SIK3: variants seen among roughly 807,000 people sequenced by gnomAD.
SIK3 encodes serine/threonine-protein kinase SIK3.
A neutral mutation model predicts 144.2 loss-of-function variants in SIK3; 28 were observed. The ratio of observed to expected loss-of-function variants is 0.19; its 90% CI spans 0.14 to 0.27. SIK3 has a LOEUF of 0.27. SIK3 is among the 10% of genes least tolerant of loss of function. The probability of loss-of-function intolerance (pLI) is 1.00; values close to 1 mark genes in which losing one functional copy is unlikely to be tolerated. For synonymous variants in SIK3, 686 were observed against 676.3 expected, an observed-to-expected ratio of 1.01 and a Z score of -0.22; for missense variants, 1,319 against 1,776.0, an observed-to-expected ratio of 0.74 and a Z score of 4.62.
chr11:116,947,392 T>C (rs1948706678), intron 3 of SIK3, among the ~76,000 whole-genome samples: 1 of 148,450 alleles, frequency 6.7e-6, no homozygotes, highest in Non-Finnish European at 1.5e-5. Context: ...AAGTTGAACA[T>C]TTGTGGAAGT....
chr11:116,876,899 C>G (rs373857829), intron 7 of SIK3, 25 bp downstream of exon 7: 2 of 1,587,132 alleles, frequency 1.3e-6, no homozygotes, highest in Admixed American at 3.3e-5. Context: ...AGAGGAGTCC[C>G]CTGCAGCAGC....
rs370565354 is a variant in SIK3, at chr11:116,995,136, G to A, written c.274-38072C>T. Among the ~76,000 whole-genome samples, 33 of 151,828 alleles carry A rather than the reference G, an allele frequency of 2.2e-4. No individual in the cohort carries two copies. In the East Asian group the frequency reaches 2.6e-3, roughly 12 times the overall value. The stretch of plus-strand genomic sequence containing the variant: ...ACAAAAATTAGCTGGGCATGATGGC[G>A]CATGCCCGTAATCCCAGCTACTCAG... On this transcript the variant is annotated intron_variant, in intron 1 of 24. Transcript: ENST00000445177.
At chr11:116,870,100 T>C (rs1369330571) in intron 14 of SIK3, 1 of 1,504,650 alleles carries the variant, frequency 6.6e-7, no homozygotes, top group Non-Finnish European at 8.9e-7. Context: ...AAAGTTCTTA[T>C]GGTTATTGCT....
chr11:116,960,586 T>A (rs914834770), intron 1 of SIK3, among the ~76,000 whole-genome samples: 1 of 152,122 alleles, frequency 6.6e-6, no homozygotes, highest in Non-Finnish European at 1.5e-5. Flanking sequence ...TTGAATATAG[T>A]ACTGAAAGCA....
intron 5 of SIK3, 65 bp from the exon 6 acceptor site, chr11:116,896,441 G>A: frequency 6.4e-7 from 1 of 1,559,860 alleles, no homozygotes; most frequent in East Asian, 2.3e-5. Flanking sequence ...GACTACTGTA[G>A]TGTGTGTATG....
intron 1 of SIK3, among the ~76,000 whole-genome samples, chr11:116,976,849 A>G (rs1478022238): frequency 6.6e-6 from 1 of 152,246 alleles, no homozygotes; most frequent in Non-Finnish European, 1.5e-5. Context: ...AAACTATCAA[A>G]TTAGCAAAAT....
At chr11:116,860,742 C>T (rs1369789453) in intron 19 of SIK3, among the ~76,000 whole-genome samples, 1 of 134,056 alleles carries the variant, frequency 7.5e-6, no homozygotes, top group Non-Finnish European at 1.5e-5. Flanking sequence ...TCTGTGTGTA[C>T]CCACATCTTG....
At chr11:116,948,125 ATGG>A (rs1221605307) in intron 3 of SIK3, among the ~76,000 whole-genome samples, 1 of 149,946 alleles carries the variant, frequency 6.7e-6, no homozygotes, top group East Asian at 2.0e-4. Context: ...TTTTGTAGAG[ATGG>A]TGTTTCACCA....
chr11:117,054,537 GC>G (rs1953421928), intron 1 of SIK3, among the ~76,000 whole-genome samples: 1 of 152,192 alleles, frequency 6.6e-6, no homozygotes, highest in South Asian at 2.1e-4. Flanking sequence ...GTACAAGATG[GC>G]CAAGAGGCCA....
intron 1 of SIK3, among the ~76,000 whole-genome samples, chr11:116,979,349 A>T (rs985285261): frequency 1.4e-5 from 2 of 147,926 alleles, no homozygotes; most frequent in East Asian, 2.0e-4. Context: ...ATTTTTCCTA[A>T]TTTTTTTTTT....
intron 1 of SIK3, among the ~76,000 whole-genome samples, chr11:116,986,594 C>T (rs1950333800): frequency 6.6e-6 from 1 of 152,192 alleles, no homozygotes; most frequent in Admixed American, 6.5e-5. Flanking sequence ...CATTGTCATG[C>T]ACCCAATCTT....
rs1565556479 is a variant in SIK3, at chr11:117,013,902, G to GTGTGTGTGTGTGTGTGTGTGT, written c.274-56839_274-56838insACACACACACACACACACACA. Reference sequence around the variant, plus strand: ...GGATATAAGTCTCCAGATTCTGAGGGGGGGGGGGGGAGGGTGTGTGTGTGT... The same window carrying GTGTGTGTGTGTGTGTGTGTGT: ...GGATATAAGTCTCCAGATTCTGAGGGTGTGTGTGTGTGTGTGTGTGTGGGGGGGGGGAGGGTGTGTGTGTGT... On this transcript the variant is annotated intron_variant, in intron 1 of 24. Transcript: ENST00000445177. Among the ~76,000 whole-genome samples, 54 of 60,910 alleles carry GTGTGTGTGTGTGTGTGTGTGT rather than the reference G, an allele frequency of 8.9e-4. 1 individual carries two copies. The highest frequency in any genetic ancestry group is 2.5e-3 in the African/African-American group (45 of 17,900). 40.0% of individuals were successfully genotyped at this position (60,910 alleles called of 152,430 possible). A position where few individuals can be genotyped will look rare whatever the true frequency, so the allele number is the denominator to read the frequency against.
rs1187118070 is a variant in SIK3, at chr11:116,846,240, AAG to A, written c.*13+141_*13+142del. 1 of 809,204 alleles carries A rather than the reference AAG, an allele frequency of 1.2e-6. No homozygotes were observed. Among genetic ancestry groups the A allele is most frequent in the African/African-American group, 1.7e-5 (1 of 58,416 alleles). The allele number at this position is 809,204 out of a possible 1,614,324, so 50.1% of individuals were successfully genotyped here. A position where few individuals can be genotyped will look rare whatever the true frequency, so the allele number is the denominator to read the frequency against. On this transcript the variant is annotated intron_variant, in intron 24 of 24. Coordinates refer to ENST00000445177, the MANE Select transcript of SIK3 (RefSeq NM_001366686.3). This position sits in a 1 kb window ranked among gnomAD's most constrained non-coding sequence, Gnocchi z 4.1. ...ACTAGCAGCGTCGTTAATGAAAAGC[AAG>A]AAACTGTGAAGGCCACGAGGGGAGG... is the stretch of plus-strand genomic sequence containing the variant.
chr11:117,008,043 T>C (rs12276805), intron 1 of SIK3, among the ~76,000 whole-genome samples: 11,383 of 126,558 alleles, frequency 0.09, 567 homozygotes, highest in Middle Eastern at 0.19. Context: ...ACCATGGCAC[T>C]TCAGCCTGGG....
intron 21 of SIK3, among the ~76,000 whole-genome samples, chr11:116,854,212 AT>A (rs1310525974): frequency 1.3e-5 from 2 of 152,114 alleles, no homozygotes; most frequent in South Asian, 2.1e-4. Flanking sequence ...GAAAAAAAAA[AT>A]TAGCTGGGTG....
At chr11:117,023,832 G>A (rs1004190526) in intron 1 of SIK3, among the ~76,000 whole-genome samples, 7 of 151,518 alleles carry the variant, frequency 4.6e-5, no homozygotes, top group Middle Eastern at 3.4e-3. Flanking sequence ...GTGCGCCACC[G>A]TGGCATAACT....
rs534304445 is a variant in SIK3 at position 116,983,161 on chromosome 11, A to G, written c.274-26097T>C. 7.3e-5 allele frequency among the ~76,000 whole-genome samples: 11 copies of G among 150,614 alleles called. No homozygotes were observed. The South Asian group carries it at 2.3e-3, about 32-fold the overall frequency. ...AGAATGGCATAAACCCGGGAGGCGG[A>G]GCTTGCAGTGAGCCAAGATTCGGCC... On this transcript the variant is annotated intron_variant, in intron 1 of 24. Coordinates refer to ENST00000445177, the MANE Select transcript of SIK3 (RefSeq NM_001366686.3).
In SIK3 at chr11:116,863,774, C is replaced by T. The variant is rs372227267; in HGVS notation, c.1997G>A (p.Arg666His). The change falls in exon 16 of 25, where the codon CGT becomes CAT. Residue 666 changes from arginine to histidine, a missense_variant. Arg to His is a conservative substitution (Grantham distance 29, BLOSUM62 0). Transcript: ENST00000445177. ...TGAGAACCGGCGCACAGGGGAGAAA[C>T]GCTCCGTAGGGAGGTGCAGAGTGTT... The part of the protein sequence containing the change: ...DSNTLHLPTE[R>H]FSPVRRFSDG... 10 of 1,613,900 alleles carry T rather than the reference C, an allele frequency of 6.2e-6. No homozygotes were observed. Among genetic ancestry groups the T allele is most frequent in the African/African-American group, 2.7e-5 (2 of 74,896 alleles).
rs568324113 is a variant in SIK3 at position 117,092,969 on chromosome 11, T to C, written c.273+5174A>G. On this transcript the variant is annotated intron_variant, in intron 1 of 24. Transcript: ENST00000445177. Reference sequence around the variant, plus strand: ...AAATAAACATCTTTGATGTAGAAAATGGAATACTGGTATTTTGACTCTGGA... The same window carrying C: ...AAATAAACATCTTTGATGTAGAAAACGGAATACTGGTATTTTGACTCTGGA... Among the ~76,000 whole-genome samples, 15 of 152,296 alleles carry C rather than the reference T, an allele frequency of 9.8e-5. No homozygotes were observed. The South Asian group carries it at 2.9e-3, about 29-fold the overall frequency.
Sources: allele counts gnomAD v4.1 joint callset (sites outside exome capture counted in the v4.1 genomes callset), GRCh38; gene constraint gnomAD v4.1.1; non-coding constraint Gnocchi (gnomAD v3.1); transcripts MANE v1.5; gene names NCBI Gene and HGNC (gene_info 2026-07-23, HGNC 2026-07-21).